RAP1GAP2: variants seen among roughly 807,000 people sequenced by gnomAD.
The protein encoded by RAP1GAP2 is RAP1 GTPase activating protein 2.
RAP1GAP2 carries 27 observed loss-of-function variants against 95.0 expected under a neutral mutation model. The ratio of observed to expected loss-of-function variants is 0.28; its 90% CI spans 0.21 to 0.39. The LOEUF (loss-of-function observed/expected upper bound fraction) is 0.39. Ranked by LOEUF, RAP1GAP2 falls within the 10% of genes least tolerant of loss-of-function variation. The pLI is 1.00. For synonymous variants in RAP1GAP2, 373 were observed against 380.9 expected (o/e 0.98, Z 0.24); for missense variants, 771 against 970.0 (o/e 0.79, Z 2.72).
At chr17:2,943,722 C>A (rs2043593342) in intron 3 of RAP1GAP2, among the ~76,000 whole-genome samples, 1 of 152,040 alleles carries the variant, frequency 6.6e-6, no homozygotes, top group Non-Finnish European at 1.5e-5. Context: ...GTACTAAAGA[C>A]TTGAATAGAC....
chr17:2,977,813 A>T (rs2045193027), intron 8 of RAP1GAP2, among the ~76,000 whole-genome samples: 1 of 151,430 alleles, frequency 6.6e-6, no homozygotes, highest in Non-Finnish European at 1.5e-5. Flanking sequence ...CTGGAATAAC[A>T]CCTTGATATC....
intron 2 of RAP1GAP2, among the ~76,000 whole-genome samples, chr17:2,882,606 G>A (rs1288506872): frequency 1.3e-5 from 2 of 152,174 alleles, no homozygotes; most frequent in Admixed American, 1.3e-4. Flanking sequence ...TGCATTTTTA[G>A]TAGAGATGGG....
chr17:2,759,379 C>CA (rs1227020058), intron 1 of RAP1GAP2, among the ~76,000 whole-genome samples: 1 of 152,182 alleles, frequency 6.6e-6, no homozygotes, highest in East Asian at 1.9e-4. Flanking sequence ...CCGCTAGGCT[C>CA]AGGTGATCCT....
At chr17:2,960,805 T>A (rs759574525) in intron 4 of RAP1GAP2, among the ~76,000 whole-genome samples, 1 of 152,236 alleles carries the variant, frequency 6.6e-6, no homozygotes, top group Non-Finnish European at 1.5e-5. Context: ...AGAGGGGACC[T>A]GTTTCTTCTA....
chr17:2,957,937 A>G (rs2044181464), intron 4 of RAP1GAP2, 143 bp downstream of exon 4: 6 of 903,468 alleles, frequency 6.6e-6, no homozygotes, highest in Non-Finnish European at 9.6e-6. Context: ...CTTGGCCCAG[A>G]CAACCTGAGG....
chr17:2,814,979 C>T (rs150308687), intron 2 of RAP1GAP2, among the ~76,000 whole-genome samples: 106 of 152,206 alleles, frequency 7.0e-4, no homozygotes, highest in Admixed American at 2.0e-3. Context: ...CCTGTCCCAC[C>T]CTGCCATGCC....
At chr17:3,007,664 G>C (rs1281236761) in intron 16 of RAP1GAP2, among the ~76,000 whole-genome samples, 1 of 152,208 alleles carries the variant, frequency 6.6e-6, no homozygotes, top group Non-Finnish European at 1.5e-5. Context: ...CATCTGGATG[G>C]AGAGGAGCAG....
At chr17:2,940,322 C>G (rs548296473) in intron 3 of RAP1GAP2, among the ~76,000 whole-genome samples, 2 of 152,272 alleles carry the variant, frequency 1.3e-5, no homozygotes, top group East Asian at 3.9e-4. Flanking sequence ...TCCTCCCTGG[C>G]TTGGAGATTC....
chr17:2,815,838 C>T (rs1349058176), intron 2 of RAP1GAP2, among the ~76,000 whole-genome samples: 2 of 152,234 alleles, frequency 1.3e-5, no homozygotes, highest in African/African-American at 4.8e-5. Context: ...TGTAACTGTG[C>T]GATGTGCCCT....
intron 19 of RAP1GAP2, among the ~76,000 whole-genome samples, chr17:3,024,293 C>T (rs577767797): frequency 1.3e-4 from 20 of 152,124 alleles, no homozygotes; most frequent in Non-Finnish European, 2.6e-4. Flanking sequence ...GTGAGCCAAA[C>T]CCCTGGACAG....
intron 2 of RAP1GAP2, among the ~76,000 whole-genome samples, chr17:2,897,415 T>G (rs1004550506): frequency 3.0e-5 from 4 of 131,424 alleles, no homozygotes; most frequent in Non-Finnish European, 6.6e-5. Context: ...TCCTGGAGAC[T>G]TTTTTTTTTC....
intron 3 of RAP1GAP2, among the ~76,000 whole-genome samples, chr17:2,917,757 C>G (rs1488636748): frequency 6.6e-6 from 1 of 151,884 alleles, no homozygotes; most frequent in Non-Finnish European, 1.5e-5. Flanking sequence ...GCTCTGTTGC[C>G]CAGGCTGAAG....
At chr17:2,869,482 T>C (rs1203390591) in intron 2 of RAP1GAP2, among the ~76,000 whole-genome samples, 1 of 151,684 alleles carries the variant, frequency 6.6e-6, no homozygotes, top group Non-Finnish European at 1.5e-5. Flanking sequence ...AACCTTAATA[T>C]GTACAATAGA....
rs144085087 is a variant in RAP1GAP2 at position 2,805,454 on chromosome 17, C to T, written c.80+4904C>T. The stretch of plus-strand genomic sequence containing the variant: ...CACTGCAACCTCCGTCTCCTGGGTT[C>T]AAGCGATTCTCCCACCTCAGCTTCC... On this transcript the variant is annotated intron_variant, in intron 2 of 24. Coordinates refer to ENST00000254695, the MANE Select transcript of RAP1GAP2 (RefSeq NM_015085.5). Among the ~76,000 whole-genome samples, 1,468 of 152,252 alleles carry T rather than the reference C, an allele frequency of 9.6e-3. 37 individuals are homozygous for T. Among genetic ancestry groups the T allele is most frequent in the African/African-American group, 0.033 (1,383 of 41,530 alleles).
chr17:2,776,245 C>G (rs942424561), upstream of RAP1GAP2, among the ~76,000 whole-genome samples: 2 of 152,152 alleles, frequency 1.3e-5, no homozygotes, highest in Non-Finnish European at 2.9e-5. Context: ...CCTGGAGACT[C>G]GCAGCATAGC....
intron 1 of RAP1GAP2, among the ~76,000 whole-genome samples, chr17:2,757,984 C>G (rs1018563021): frequency 2.0e-5 from 3 of 152,042 alleles, no homozygotes; most frequent in Non-Finnish European, 4.4e-5. Context: ...ATTCTCCTGC[C>G]TCAGCCTCCT....
Position 2,883,075 on chromosome 17 carries a change from G to A in RAP1GAP2, c.81-22209G>A, listed in dbSNP as rs149146433. ...GCGGGGTTGTCTTGGTCGGGGTTATGTGAAGGTGGGGTGGGCAGCAGAGCA... is the reference window on the plus strand; with the variant it reads ...GCGGGGTTGTCTTGGTCGGGGTTATATGAAGGTGGGGTGGGCAGCAGAGCA... On this transcript the variant is annotated intron_variant, in intron 2 of 24. Coordinates refer to ENST00000254695, the MANE Select transcript of RAP1GAP2 (RefSeq NM_015085.5). Among the ~76,000 whole-genome samples the A allele has an allele frequency of 1.6e-4, 25 of 152,358 alleles. No individual in the cohort carries two copies. In the East Asian group the frequency reaches 4.8e-3, roughly 29 times the overall value.
intron 4 of RAP1GAP2, 151 bp from the exon 5 acceptor site, chr17:2,962,519 C>A: frequency 2.6e-6 from 2 of 758,270 alleles, no homozygotes; most frequent in Non-Finnish European, 2.1e-6. Context: ...TGAGGCCCGC[C>A]CCTGGCCAGG....
Position 2,963,754 on chromosome 17 carries a change from A to G in RAP1GAP2, c.280-102A>G, listed in dbSNP as rs2044452027. 4 of 1,057,578 alleles carry G rather than the reference A, an allele frequency of 3.8e-6. No homozygotes were observed. The highest frequency in any genetic ancestry group is 4.1e-6 in the Non-Finnish European group (3 of 736,792). The allele number at this position is 1,057,578 out of a possible 1,614,324, so 65.5% of individuals were successfully genotyped here. Reference sequence around the variant, plus strand: ...CCTTTGGCCTCAAGTACCAGTGGGTACCAGGCCCCACTCCTGGGAGCAGCG... The same window carrying G: ...CCTTTGGCCTCAAGTACCAGTGGGTGCCAGGCCCCACTCCTGGGAGCAGCG... On this transcript the variant is annotated intron_variant, in intron 6 of 24. Transcript: ENST00000254695. The surrounding 1 kb of genome is among the most constrained non-coding windows in gnomAD (Gnocchi z 4.8).
Sources: allele counts gnomAD v4.1 joint callset (sites outside exome capture counted in the v4.1 genomes callset), GRCh38; gene constraint gnomAD v4.1.1; non-coding constraint Gnocchi (gnomAD v3.1); transcripts MANE v1.5; gene names NCBI Gene and HGNC (gene_info 2026-07-23, HGNC 2026-07-21).